The following SRRM4 variants were observed in gnomAD, a reference collection of about 807,000 sequenced individuals.
SRRM4 encodes the protein serine/arginine repetitive matrix 4.
A neutral mutation model predicts 68.9 loss-of-function variants in SRRM4; 33 were observed. That is an observed-to-expected ratio of 0.48 (90% CI 0.36 to 0.64). The LOEUF (loss-of-function observed/expected upper bound fraction) is 0.64. Among genes scored for constraint, SRRM4 ranks in the 30% least tolerant of loss-of-function variants. The pLI is 0.00. For missense variants in SRRM4, 817 were observed against 827.1 expected, an observed-to-expected ratio of 0.99 and a Z score of 0.15; for synonymous variants, 318 against 318.8, an observed-to-expected ratio of 1.00 and a Z score of 0.03.
chr12:119,001,239 A>G (rs552750646), intron 1 of SRRM4: 1 of 152,354 alleles, frequency 6.6e-6, no homozygotes, highest in Non-Finnish European at 1.5e-5. Context: ...AAGATGAGGA[A>G]AGTGAACAAC....
chr12:119,097,488 C>T (rs1446338332), intron 1 of SRRM4, among the ~76,000 whole-genome samples: 1 of 152,260 alleles, frequency 6.6e-6, no homozygotes, highest in Non-Finnish European at 1.5e-5. Flanking sequence ...TTTCCTTCTT[C>T]CTCCCCTCAG....
chr12:119,055,954 GA>G (rs1953773490), intron 1 of SRRM4, among the ~76,000 whole-genome samples: 2 of 152,290 alleles, frequency 1.3e-5, no homozygotes, highest in South Asian at 2.1e-4. Context: ...ACAATAGAAC[GA>G]AATCTCTTCT....
In SRRM4 at chr12:119,130,672, C is replaced by T. The variant is rs374943920; in HGVS notation, c.615-6C>T. On this transcript the variant is annotated splice_polypyrimidine_tract_variant and splice_region_variant and intron_variant, in intron 7 of 12. Transcript: ENST00000267260. ...AGACCCTCAGGTCTCTCTCCCCCAT[C>T]CCCAGGCACCGCGGCCGGTCCCCTG... The T allele has an allele frequency of 3.7e-6, 6 of 1,608,178 alleles. No homozygotes were observed. Among genetic ancestry groups the T allele is most frequent in the South Asian group, 3.3e-5 (3 of 90,288 alleles).
chr12:119,129,266 G>A (rs1954279083), intron 7 of SRRM4, among the ~76,000 whole-genome samples: 1 of 152,196 alleles, frequency 6.6e-6, no homozygotes, highest in Non-Finnish European at 1.5e-5. Flanking sequence ...AATCCATAAT[G>A]TGCTATTTTT....
At chr12:119,071,179 C>T (rs1414305977) in intron 1 of SRRM4, among the ~76,000 whole-genome samples, 1 of 152,044 alleles carries the variant, frequency 6.6e-6, no homozygotes, top group Non-Finnish European at 1.5e-5. Context: ...AAACGTAGCC[C>T]TAGTGCCCAT....
chr12:119,034,931 T>C, intron 1 of SRRM4, among the ~76,000 whole-genome samples: 1 of 152,218 alleles, frequency 6.6e-6, no homozygotes. Context: ...GCACTGAAAT[T>C]TAGCCCTTTT....
At chr12:119,024,409 A>G (rs1341829489) in intron 1 of SRRM4, among the ~76,000 whole-genome samples, 1 of 152,206 alleles carries the variant, frequency 6.6e-6, no homozygotes, top group Non-Finnish European at 1.5e-5. Context: ...TCTCACTGCC[A>G]CTGCACGCAG....
At chr12:119,010,849 T>C (rs1017754219) in intron 1 of SRRM4, among the ~76,000 whole-genome samples, 7 of 152,122 alleles carry the variant, frequency 4.6e-5, no homozygotes, top group African/African-American at 1.7e-4. Context: ...AATACAACAG[T>C]TGAAAAAATG....
At chr12:118,985,681 G>A (rs1190221589) in intron 1 of SRRM4, among the ~76,000 whole-genome samples, 1 of 152,084 alleles carries the variant, frequency 6.6e-6, no homozygotes, top group Non-Finnish European at 1.5e-5. Flanking sequence ...ATCCAAGAAG[G>A]GTAGTCATTT....
intron 1 of SRRM4, among the ~76,000 whole-genome samples, chr12:119,021,761 G>A (rs545492057): frequency 3.9e-5 from 6 of 152,250 alleles, no homozygotes; most frequent in East Asian, 1.9e-4. Context: ...ACATGGTCTC[G>A]TTCCTTTTTG....
intron 8 of SRRM4, among the ~76,000 whole-genome samples, chr12:119,137,203 G>T (rs892033997): frequency 6.7e-6 from 1 of 149,868 alleles, no homozygotes; most frequent in South Asian, 2.1e-4. Flanking sequence ...TGGCAGGGAA[G>T]AAAAAAAAAT....
At chr12:119,004,471 G>A (rs1953403928) in intron 1 of SRRM4, among the ~76,000 whole-genome samples, 1 of 151,908 alleles carries the variant, frequency 6.6e-6, no homozygotes, top group Non-Finnish European at 1.5e-5. Flanking sequence ...AGAGGGGGAG[G>A]GGAGCCTACA....
At chr12:119,141,366 A>G (rs1954364260) in intron 8 of SRRM4, among the ~76,000 whole-genome samples, 1 of 152,264 alleles carries the variant, frequency 6.6e-6, no homozygotes, top group African/African-American at 2.4e-5. Context: ...GAAATATCAC[A>G]TATATTCCAA....
intron 1 of SRRM4, among the ~76,000 whole-genome samples, chr12:119,078,531 T>A (rs576611824): frequency 5.3e-5 from 8 of 152,326 alleles, no homozygotes; most frequent in Admixed American, 5.2e-4. Flanking sequence ...CAAGAAAGCA[T>A]CCTGAGAGAA....
chr12:119,033,414 C>A (rs1224838480), intron 1 of SRRM4, among the ~76,000 whole-genome samples: 1 of 152,084 alleles, frequency 6.6e-6, no homozygotes, highest in Non-Finnish European at 1.5e-5. Flanking sequence ...ACCTGTAATC[C>A]CAGCACTTAG....
chr12:119,112,142 T>C (rs4767782), intron 2 of SRRM4, among the ~76,000 whole-genome samples: 11,705 of 152,254 alleles, frequency 0.077, 504 homozygotes, highest in Admixed American at 0.1. Flanking sequence ...CCTTGTGCTT[T>C]ATAACATATA....
At chr12:119,049,997 T>C (rs1953732313) in intron 1 of SRRM4, among the ~76,000 whole-genome samples, 2 of 152,220 alleles carry the variant, frequency 1.3e-5, no homozygotes, top group Admixed American at 1.3e-4. Flanking sequence ...CTTCAATATA[T>C]GAATTTTGGA....
chr12:119,116,326 T>C (rs1005197465), intron 3 of SRRM4, among the ~76,000 whole-genome samples: 17 of 152,154 alleles, frequency 1.1e-4, no homozygotes, highest in African/African-American at 3.9e-4. Context: ...GTTGCTCAGG[T>C]AACACTTTGA....
chr12:119,099,008 T>A (rs779095568), intron 1 of SRRM4, among the ~76,000 whole-genome samples: 4 of 152,110 alleles, frequency 2.6e-5, no homozygotes, highest in Non-Finnish European at 4.4e-5. Flanking sequence ...CCAGTCCCTA[T>A]CACTCCTGTT....
Sources: allele counts gnomAD v4.1 joint callset (sites outside exome capture counted in the v4.1 genomes callset), GRCh38; gene constraint gnomAD v4.1.1; transcripts MANE v1.5; gene names NCBI Gene and HGNC (gene_info 2026-07-23, HGNC 2026-07-21).